Variants in FIG4 observed in about 807,000 individuals in gnomAD.
The protein encoded by FIG4 is FIG4 phosphoinositide 5-phosphatase.
FIG4 carries 112 observed loss-of-function variants against 118.6 expected under a neutral mutation model. The ratio of observed to expected loss-of-function variants is 0.94; its 90% CI spans 0.81 to 1.11. The LOEUF (loss-of-function observed/expected upper bound fraction) is 1.11. Ranked by LOEUF, FIG4 falls within the 50% of genes least tolerant of loss-of-function variation. FIG4 has a pLI of 0.00. For synonymous variants in FIG4, 369 were observed against 381.2 expected (o/e 0.97, Z 0.37); for missense variants, 969 against 1,111.7 (o/e 0.87, Z 1.83).
chr6:109,715,859 T>C (rs1459588557), intron 2 of FIG4, among the ~76,000 whole-genome samples: 2 of 152,230 alleles, frequency 1.3e-5, no homozygotes, highest in East Asian at 3.8e-4. Context: ...TTCTCAAATA[T>C]GTAGTAACTA....
intron 1 of FIG4, among the ~76,000 whole-genome samples, chr6:109,710,615 T>C (rs1775227972): frequency 6.6e-6 from 1 of 152,048 alleles, no homozygotes; most frequent in African/African-American, 2.4e-5. Flanking sequence ...GTTGTTGTCA[T>C]TTTTTGCTTG....
intron 1 of FIG4, among the ~76,000 whole-genome samples, chr6:109,699,183 G>T (rs1341891289): frequency 6.6e-6 from 1 of 152,150 alleles, no homozygotes; most frequent in African/African-American, 2.4e-5. Flanking sequence ...AGTGGACCTA[G>T]AATCAGTTTT....
chr6:109,711,369 A>G (rs919312764), intron 1 of FIG4, among the ~76,000 whole-genome samples: 2 of 152,186 alleles, frequency 1.3e-5, no homozygotes, highest in East Asian at 3.8e-4. Flanking sequence ...ACTGCACTCC[A>G]GGCTGGGCGA....
chr6:109,763,837 C>G (rs1777185975), intron 12 of FIG4, 100 bp from the exon 13 acceptor site: 4 of 834,912 alleles, frequency 4.8e-6, no homozygotes, highest in Non-Finnish European at 8.1e-6. Flanking sequence ...GCCTTCAGCT[C>G]TATTACTTTA....
At chr6:109,764,452 A>C (rs1050553498) in intron 13 of FIG4, among the ~76,000 whole-genome samples, 1 of 152,018 alleles carries the variant, frequency 6.6e-6, no homozygotes, top group Non-Finnish European at 1.5e-5. Flanking sequence ...AGAAAAAAAA[A>C]AAAAAGAAAA....
chr6:109,780,105 T>C (rs1331558519), intron 16 of FIG4, among the ~76,000 whole-genome samples: 3 of 152,204 alleles, frequency 2.0e-5, no homozygotes, highest in Admixed American at 6.5e-5. Flanking sequence ...TGTTTCCACA[T>C]CATTAAAACA....
chr6:109,750,344 A>C (rs1776650804), intron 10 of FIG4, among the ~76,000 whole-genome samples: 1 of 152,172 alleles, frequency 6.6e-6, no homozygotes, highest in Non-Finnish European at 1.5e-5. Flanking sequence ...AACCCTTTGA[A>C]ATGATATGCA....
intron 10 of FIG4, among the ~76,000 whole-genome samples, chr6:109,752,196 C>T (rs1583683069): frequency 6.6e-6 from 1 of 151,872 alleles, no homozygotes; most frequent in African/African-American, 2.4e-5. Context: ...GCATAGTATT[C>T]CATGGTGTAT....
intron 10 of FIG4, among the ~76,000 whole-genome samples, chr6:109,752,979 T>C (rs1327826294): frequency 6.6e-6 from 1 of 152,244 alleles, no homozygotes; most frequent in Admixed American, 6.5e-5. Flanking sequence ...TTAGGTCTAA[T>C]GTTTAGTCTT....
At chr6:109,778,635 G>C (rs1018094434) in intron 16 of FIG4, among the ~76,000 whole-genome samples, 50 of 151,982 alleles carry the variant, frequency 3.3e-4, no homozygotes, top group Admixed American at 1.9e-3. Flanking sequence ...GCCTCACTCT[G>C]TGGCCCAGGC....
intron 1 of FIG4, among the ~76,000 whole-genome samples, chr6:109,713,595 C>G (rs1285011169): frequency 6.6e-6 from 1 of 152,142 alleles, no homozygotes; most frequent in African/African-American, 2.4e-5. Flanking sequence ...GTGGATTGCA[C>G]CCCCAACTGC....
intron 15 of FIG4, among the ~76,000 whole-genome samples, chr6:109,771,014 A>G (rs540207824): frequency 1.5e-3 from 232 of 152,348 alleles, no homozygotes; most frequent in Non-Finnish European, 2.8e-3. Context: ...ATCAAAGGGA[A>G]CATGCTGAGA....
chr6:109,777,170 T>A, intron 16 of FIG4, 110 bp downstream of exon 16: 1 of 939,446 alleles, frequency 1.1e-6, no homozygotes, highest in East Asian at 2.7e-5. Flanking sequence ...TTTATTTTAT[T>A]TTTTAAAATT....
chr6:109,749,379 A>G (rs1406772775), intron 10 of FIG4, among the ~76,000 whole-genome samples: 1 of 152,094 alleles, frequency 6.6e-6, no homozygotes, highest in Non-Finnish European at 1.5e-5. Context: ...CTAGTATTAA[A>G]CAGTAGCTGT....
intron 16 of FIG4, 111 bp from the exon 17 acceptor site, chr6:109,784,858 CT>C: frequency 1.8e-6 from 1 of 543,280 alleles, no homozygotes; most frequent in African/African-American, 1.9e-5. Flanking sequence ...AAAATATTAA[CT>C]TTGAAGTAGG....
chr6:109,751,084 A>G (rs1008287963), intron 10 of FIG4, among the ~76,000 whole-genome samples: 1 of 152,204 alleles, frequency 6.6e-6, no homozygotes, highest in Non-Finnish European at 1.5e-5. Flanking sequence ...TAAATTCATG[A>G]CAATTGAAAA....
At chr6:109,797,065 A>T (rs1490302087) in intron 22 of FIG4, among the ~76,000 whole-genome samples, 1 of 152,106 alleles carries the variant, frequency 6.6e-6, no homozygotes, top group African/African-American at 2.4e-5. Flanking sequence ...GCATCTTTGG[A>T]GGTGGGTTTG....
chr6:109,802,707 A>G (rs1047127653), intron 22 of FIG4, among the ~76,000 whole-genome samples: 1 of 152,194 alleles, frequency 6.6e-6, no homozygotes, highest in Non-Finnish European at 1.5e-5. Context: ...AGACATGTGA[A>G]TGACTCCTGT....
intron 10 of FIG4, among the ~76,000 whole-genome samples, chr6:109,757,433 C>T (rs1454597731): frequency 3.3e-5 from 5 of 152,200 alleles, no homozygotes; most frequent in Non-Finnish European, 5.9e-5. Flanking sequence ...ATGCTAAAAA[C>T]TCTCAACTAG....
Sources: gnomAD v4.1 joint callset for allele counts (sites outside exome capture counted in the v4.1 genomes callset) on GRCh38, gnomAD v4.1.1 for gene constraint, MANE v1.5 for transcripts, NCBI Gene and HGNC (gene_info 2026-07-23, HGNC 2026-07-21) for gene names.